ABCC4: variants seen among roughly 807,000 people sequenced by gnomAD.
ABCC4 encodes ATP-binding cassette sub-family C member 4.
Under a neutral mutation model 168.5 loss-of-function variants are expected in ABCC4, and 102 were observed. That is an observed-to-expected ratio of 0.61 (90% CI 0.52 to 0.71). The LOEUF is 0.71. ABCC4 is among the 30% of genes least tolerant of loss of function. ABCC4 has a pLI of 0.00. For missense variants in ABCC4, 1,402 were observed against 1,605.8 expected, an observed-to-expected ratio of 0.87 and a Z score of 2.17; for synonymous variants, 617 against 590.7, an observed-to-expected ratio of 1.04 and a Z score of -0.65.
intron 13 of ABCC4, 139 bp downstream of exon 13, chr13:95,177,568 T>C (rs2037746990): frequency 4.9e-6 from 3 of 608,462 alleles, no homozygotes; most frequent in Non-Finnish European, 2.8e-6. Flanking sequence ...CTAAAATGGA[T>C]CTTCAGGGAA....
intron 16 of ABCC4, among the ~76,000 whole-genome samples, 182 bp from the exon 17 acceptor site, chr13:95,163,829 T>C (rs957173802): frequency 6.6e-6 from 1 of 151,152 alleles, no homozygotes; most frequent in African/African-American, 2.4e-5. Flanking sequence ...AGGCCAGGAG[T>C]TCGAGACCAG....
intron 19 of ABCC4, among the ~76,000 whole-genome samples, chr13:95,119,564 A>C (rs899368751): frequency 3.3e-5 from 5 of 152,192 alleles, no homozygotes; most frequent in African/African-American, 1.2e-4. Flanking sequence ...TCAAAATACA[A>C]ATTCATAAAT....
intron 27 of ABCC4, among the ~76,000 whole-genome samples, chr13:95,047,583 G>A (rs2032643037): frequency 6.8e-6 from 1 of 148,004 alleles, no homozygotes; most frequent in African/African-American, 2.5e-5. Flanking sequence ...AGGTTCAAGC[G>A]ATTCTCCTGC....
At chr13:95,087,801 C>T (rs781432372) in intron 20 of ABCC4, among the ~76,000 whole-genome samples, 1 of 152,140 alleles carries the variant, frequency 6.6e-6, no homozygotes, top group Non-Finnish European at 1.5e-5. Flanking sequence ...TCAGGGAGTT[C>T]AGAGGTCAAC....
At chr13:95,054,019 TCC>T (rs1353256309) in intron 26 of ABCC4, 1 of 70,772 alleles carries the variant, frequency 1.4e-5, no homozygotes, top group African/African-American at 4.3e-5. Context: ...GAATGGGACA[TCC>T]TTTTTTTTTT....
At chr13:95,199,866 G>T (rs2038574820) in intron 8 of ABCC4, among the ~76,000 whole-genome samples, 1 of 152,080 alleles carries the variant, frequency 6.6e-6, no homozygotes, top group African/African-American at 2.4e-5. Flanking sequence ...CCTCCTGGCT[G>T]CCCCAAGCCA....
intron 19 of ABCC4, among the ~76,000 whole-genome samples, chr13:95,159,488 C>T (rs1566475811): frequency 6.6e-6 from 1 of 152,010 alleles, no homozygotes. Flanking sequence ...GGTCCCAAAT[C>T]CCTGAATAAT....
chr13:95,114,089 G>A (rs1045033874), intron 20 of ABCC4, among the ~76,000 whole-genome samples: 4 of 152,036 alleles, frequency 2.6e-5, no homozygotes, highest in Admixed American at 6.6e-5. Flanking sequence ...TTTAACCTTC[G>A]CTGTAGATTC....
At chr13:95,158,739 T>A (rs1343373968) in intron 19 of ABCC4, among the ~76,000 whole-genome samples, 2 of 152,082 alleles carry the variant, frequency 1.3e-5, no homozygotes, top group Admixed American at 1.3e-4. Context: ...AAATCGAGCA[T>A]GCCTGCCTCA....
At chr13:95,149,102 T>C (rs1315470538) in intron 19 of ABCC4, 1 of 152,208 alleles carries the variant, frequency 6.6e-6, no homozygotes, top group African/African-American at 2.4e-5. Flanking sequence ...GATTGTACGA[T>C]AAAACTGCTG....
chr13:95,293,047 C>T (rs2041442576), intron 1 of ABCC4, among the ~76,000 whole-genome samples: 1 of 152,088 alleles, frequency 6.6e-6, no homozygotes, highest in East Asian at 1.9e-4. Context: ...TCTCAGGCAA[C>T]ACTTTCTCCA....
At chr13:95,158,498 G>A (rs1487862953) in intron 19 of ABCC4, among the ~76,000 whole-genome samples, 1 of 152,128 alleles carries the variant, frequency 6.6e-6, no homozygotes, top group Non-Finnish European at 1.5e-5. Context: ...CTACATGCCA[G>A]CAGAGGTCCT....
At chr13:95,083,102 G>T in intron 21 of ABCC4, 38 bp downstream of exon 21, 2 of 1,589,224 alleles carry the variant, frequency 1.3e-6, no homozygotes, top group Non-Finnish European at 8.6e-7. Flanking sequence ...ATGGAAACTA[G>T]CTAGCATGTC....
At chr13:95,195,535 A>G (rs967251007) in intron 8 of ABCC4, among the ~76,000 whole-genome samples, 3 of 152,186 alleles carry the variant, frequency 2.0e-5, no homozygotes, top group African/African-American at 7.2e-5. Context: ...AACTTAATTC[A>G]CTATCACTTA....
At chr13:95,293,197 A>G (rs2041445797) in intron 1 of ABCC4, among the ~76,000 whole-genome samples, 1 of 151,934 alleles carries the variant, frequency 6.6e-6, no homozygotes, top group Non-Finnish European at 1.5e-5. Context: ...GTCTCTAACA[A>G]CAACAAAAAA....
At chr13:95,279,902 G>A (rs2041071400) in intron 1 of ABCC4, among the ~76,000 whole-genome samples, 1 of 152,022 alleles carries the variant, frequency 6.6e-6, no homozygotes, top group Admixed American at 6.6e-5. Flanking sequence ...AATTCCCTGG[G>A]ACCACCACCC....
chr13:95,041,313 C>T (rs1428374330), intron 29 of ABCC4, among the ~76,000 whole-genome samples: 1 of 152,164 alleles, frequency 6.6e-6, no homozygotes, highest in Non-Finnish European at 1.5e-5. Context: ...GGGTAAATCC[C>T]TTTGGAGAGT....
intron 19 of ABCC4, among the ~76,000 whole-genome samples, chr13:95,116,949 G>A (rs2035397364): frequency 6.6e-6 from 1 of 152,124 alleles, no homozygotes; most frequent in Non-Finnish European, 1.5e-5. Flanking sequence ...GATTGACTTC[G>A]TCCTGGGGCC....
At chr13:95,072,876 C>T (rs367714770) in intron 24 of ABCC4, among the ~76,000 whole-genome samples, 2 of 152,108 alleles carry the variant, frequency 1.3e-5, no homozygotes, top group East Asian at 1.9e-4. Context: ...AGGAATTACC[C>T]GTTAAGAAAC....
Sources: gnomAD v4.1 joint callset for allele counts (sites outside exome capture counted in the v4.1 genomes callset) on GRCh38, gnomAD v4.1.1 for gene constraint, MANE v1.5 for transcripts, NCBI Gene and HGNC (gene_info 2026-07-23, HGNC 2026-07-21) for gene names.